Variants in DPP10 observed in about 807,000 individuals in gnomAD.
The protein encoded by DPP10 is dipeptidyl peptidase like 10.
In DPP10, 33 loss-of-function variants were observed where a neutral mutation model predicts 120.9. The observed-to-expected ratio is 0.27, with a 90% CI of 0.21 to 0.37. The LOEUF (loss-of-function observed/expected upper bound fraction) is 0.37, where lower values mean the gene tolerates loss of function less well. Ranked by LOEUF, DPP10 falls within the 10% of genes least tolerant of loss-of-function variation. The pLI is 1.00. For missense variants in DPP10, 816 were observed against 942.8 expected (o/e 0.87, Z 1.76); for synonymous variants, 337 against 326.1 (o/e 1.03, Z -0.36).
chr2:114,834,761 T>C (rs1237329868), intron 1 of DPP10, among the ~76,000 whole-genome samples: 1 of 144,746 alleles, frequency 6.9e-6, no homozygotes, highest in Non-Finnish European at 1.5e-5. Context: ...AAGCCATGTC[T>C]ACGCACCTAT....
chr2:114,674,414 C>T (rs1426187205), intron 1 of DPP10, among the ~76,000 whole-genome samples: 7 of 151,766 alleles, frequency 4.6e-5, no homozygotes, highest in Admixed American at 4.6e-4. Context: ...TTGATTTTAC[C>T]ATAATTAGCA....
At chr2:115,483,917 T>C (rs922005449) in intron 3 of DPP10, among the ~76,000 whole-genome samples, 4 of 152,050 alleles carry the variant, frequency 2.6e-5, no homozygotes, top group African/African-American at 9.7e-5. Flanking sequence ...GTAAAATAAA[T>C]CTCTGACTAC....
chr2:115,707,570 G>A (rs2092166322), intron 7 of DPP10, among the ~76,000 whole-genome samples: 2 of 147,856 alleles, frequency 1.4e-5, no homozygotes, highest in Non-Finnish European at 3.0e-5. Flanking sequence ...TATTACACAT[G>A]TGTCTCAAGA....
At chr2:114,693,029 C>A (rs1353925396) in intron 1 of DPP10, among the ~76,000 whole-genome samples, 1 of 151,982 alleles carries the variant, frequency 6.6e-6, no homozygotes, top group Non-Finnish European at 1.5e-5. Context: ...GGCCATTTAT[C>A]CAGCTTGCCT....
chr2:115,300,435 A>G (rs2061074896), intron 1 of DPP10, among the ~76,000 whole-genome samples: 2 of 152,062 alleles, frequency 1.3e-5, no homozygotes, highest in African/African-American at 4.8e-5. Context: ...TAATACTCAT[A>G]CATACACACA....
chr2:114,898,451 A>T (rs1693239802), intron 1 of DPP10, among the ~76,000 whole-genome samples: 1 of 152,100 alleles, frequency 6.6e-6, no homozygotes, highest in Non-Finnish European at 1.5e-5. Flanking sequence ...ATACATATGT[A>T]ACTAACCTGC....
intron 1 of DPP10, among the ~76,000 whole-genome samples, chr2:114,616,258 C>A (rs148885516): frequency 6.6e-6 from 1 of 152,066 alleles, no homozygotes; most frequent in Non-Finnish European, 1.5e-5. Flanking sequence ...GAGTGTGCAT[C>A]CGTCTTCCAT....
At chr2:115,553,045 C>T (rs1002605303) in intron 5 of DPP10, among the ~76,000 whole-genome samples, 5 of 152,024 alleles carry the variant, frequency 3.3e-5, no homozygotes, top group African/African-American at 9.7e-5. Flanking sequence ...TAGTTGTCAT[C>T]GCCTAGCCTG....
chr2:115,170,416 C>A (rs1559178787), intron 1 of DPP10, among the ~76,000 whole-genome samples: 3 of 152,174 alleles, frequency 2.0e-5, no homozygotes, highest in Non-Finnish European at 4.4e-5. Context: ...AAAAATATAT[C>A]TTTTTGAGAG....
At chr2:115,486,799 G>C (rs538837410) in intron 3 of DPP10, among the ~76,000 whole-genome samples, 4 of 152,038 alleles carry the variant, frequency 2.6e-5, no homozygotes, top group African/African-American at 9.7e-5. Context: ...TGAAATGGTC[G>C]TGTGAAAATT....
intron 1 of DPP10, among the ~76,000 whole-genome samples, chr2:114,968,128 A>G (rs1477434964): frequency 1.3e-5 from 2 of 152,226 alleles, no homozygotes; most frequent in Non-Finnish European, 2.9e-5. Context: ...TACCTAAAGC[A>G]TAACATCTAA....
chr2:115,785,284 T>C (rs530081881), intron 17 of DPP10, among the ~76,000 whole-genome samples: 2 of 152,344 alleles, frequency 1.3e-5, no homozygotes, highest in East Asian at 3.9e-4. Context: ...GCCACTGTTT[T>C]CTTGAAGTTT....
chr2:114,894,776 A>C (rs1289436370), intron 1 of DPP10, among the ~76,000 whole-genome samples: 3 of 152,194 alleles, frequency 2.0e-5, no homozygotes, highest in Admixed American at 6.6e-5. Flanking sequence ...AAATAACTAC[A>C]TTATTATATT....
intron 5 of DPP10, among the ~76,000 whole-genome samples, chr2:115,628,282 T>C (rs2085531921): frequency 6.6e-6 from 1 of 152,206 alleles, no homozygotes; most frequent in Non-Finnish European, 1.5e-5. Flanking sequence ...ATGTTGAGCT[T>C]TTTTTCATGC....
At position 115,576,918 on chromosome 2, in the gene DPP10, G is replaced by C. The variant is rs570749548; in HGVS notation, c.441+50946G>C. ...ACCAGCCTGAGTTGTAATAAATTTA[G>C]GGAAAGCATTCACTATTATTTTGGT... On this transcript the variant is annotated intron_variant, in intron 5 of 25. Transcript: ENST00000410059. Among the ~76,000 whole-genome samples the C allele has an allele frequency of 2.6e-5, 4 of 152,278 alleles. No homozygotes were observed. The South Asian group carries it at 8.3e-4, about 32-fold the overall frequency.
At chr2:115,491,144 A>T (rs944248039) in intron 3 of DPP10, among the ~76,000 whole-genome samples, 2 of 151,906 alleles carry the variant, frequency 1.3e-5, no homozygotes, top group African/African-American at 2.4e-5. Context: ...AACAAACAAA[A>T]CCTCCCCCAA....
intron 1 of DPP10, among the ~76,000 whole-genome samples, chr2:115,185,205 T>A (rs2105177337): frequency 6.6e-6 from 1 of 151,430 alleles, no homozygotes; most frequent in South Asian, 2.1e-4. Context: ...CTCCTTTATT[T>A]CAGGGGTTCG....
At chr2:114,704,799 T>C (rs1472949219) in intron 1 of DPP10, among the ~76,000 whole-genome samples, 2 of 152,164 alleles carry the variant, frequency 1.3e-5, no homozygotes, top group Non-Finnish European at 2.9e-5. Context: ...CTCTAACCTC[T>C]GATATGATTG....
intron 1 of DPP10, among the ~76,000 whole-genome samples, chr2:114,910,445 A>G (rs1167183638): frequency 6.6e-6 from 1 of 152,040 alleles, no homozygotes; most frequent in Admixed American, 6.6e-5. Flanking sequence ...AAAAATTATA[A>G]TTTTAATAGT....
Sources: allele counts gnomAD v4.1 joint callset (sites outside exome capture counted in the v4.1 genomes callset), GRCh38; gene constraint gnomAD v4.1.1; transcripts MANE v1.5; gene names NCBI Gene and HGNC (gene_info 2026-07-23, HGNC 2026-07-21).